SPTLC3: variants seen among roughly 807,000 people sequenced by gnomAD.
The protein encoded by SPTLC3 is serine palmitoyltransferase long chain base subunit 3, also known as serine palmitoyltransferase 3.
A neutral mutation model predicts 59.3 loss-of-function variants in SPTLC3; 36 were observed. The observed-to-expected ratio is 0.61, with a 90% confidence interval of 0.47 to 0.80. The LOEUF is 0.80. Among genes scored for constraint, SPTLC3 ranks in the 30% least tolerant of loss-of-function variants. SPTLC3 has a pLI of 0.00. For synonymous variants in SPTLC3, 257 were observed against 240.8 expected (o/e 1.07, Z -0.62); for missense variants, 625 against 685.1 (o/e 0.91, Z 0.98).
At chr20:13,059,677 C>A (rs559885275) in intron 2 of SPTLC3, among the ~76,000 whole-genome samples, 4 of 152,308 alleles carry the variant, frequency 2.6e-5, no homozygotes, top group African/African-American at 9.6e-5. Context: ...AGCTGTTCTG[C>A]CCCACACATT....
rs894482692 is a variant in SPTLC3 at position 13,074,266 on chromosome 20, C to G, written c.459-83C>G. On this transcript the variant is annotated intron_variant, in intron 3 of 11. Transcript: ENST00000399002. ...CTCATCCTCTTTTTCTTCATAGGAA[C>G]CCAAGTCTTCCACCAGGGATTTTTT... The G allele has an allele frequency of 2.5e-5, 39 of 1,550,644 alleles. No individual in the cohort carries two copies. The Admixed American group carries it at 7.0e-4, about 28-fold the overall frequency.
chr20:13,133,169 C>T (rs1464286637), intron 9 of SPTLC3: 1 of 152,320 alleles, frequency 6.6e-6, no homozygotes, highest in Non-Finnish European at 1.5e-5. Flanking sequence ...CTTTCCCTAT[C>T]ACTATTTGCC....
chr20:13,163,367 CAAAAAAAAA>C (rs56217510), intron 11 of SPTLC3, among the ~76,000 whole-genome samples: 4 of 90,086 alleles, frequency 4.4e-5, no homozygotes, highest in African/African-American at 1.3e-4. Context: ...GACGCTGTCT[CAAAAAAAAA>C]AAAAAAAAAA....
intron 4 of SPTLC3, among the ~76,000 whole-genome samples, chr20:13,089,809 AC>A (rs1989151971): frequency 2.0e-5 from 3 of 151,216 alleles, no homozygotes; most frequent in Non-Finnish European, 4.4e-5. Context: ...AAAAAACAAA[AC>A]AATGTGCTAT....
At chr20:13,067,871 G>A (rs945076358) in intron 2 of SPTLC3, among the ~76,000 whole-genome samples, 11 of 152,272 alleles carry the variant, frequency 7.2e-5, no homozygotes, top group African/African-American at 1.7e-4. Context: ...CAATGTAGAC[G>A]CAAATGAATA....
At chr20:13,122,320 C>T (rs2037885355) in intron 8 of SPTLC3, among the ~76,000 whole-genome samples, 1 of 152,172 alleles carries the variant, frequency 6.6e-6, no homozygotes, top group African/African-American at 2.4e-5. Context: ...GATTTAGTAC[C>T]ATATAGATGA....
At chr20:13,038,063 A>ATATATATATATATATATAATT (rs1568573202) in intron 1 of SPTLC3, among the ~76,000 whole-genome samples, 3 of 130,328 alleles carry the variant, frequency 2.3e-5, no homozygotes, top group African/African-American at 1.0e-4. Context: ...TATATATAAT[A>ATATATATATATATATATAATT]TATCTTCATT....
In SPTLC3 at chr20:13,165,837, T is replaced by C. The variant is rs2123022746; in HGVS notation, c.*970T>C. The C allele has an allele frequency of 6.6e-6, 1 of 152,356 alleles. No individual in the cohort carries two copies. The highest frequency in any genetic ancestry group is 1.5e-5 in the Non-Finnish European group (1 of 68,034). The allele number at this position is 152,356 out of a possible 1,614,324, so 9.4% of individuals were successfully genotyped here. A position where few individuals can be genotyped will look rare whatever the true frequency, so the allele number is the denominator to read the frequency against. ...AGGACATTTAAAAGCAAATTCTGAC[T>C]TTTTCAAGACCAACACACTTGTTTA... On this transcript the variant is annotated 3_prime_UTR_variant, in exon 12 of 12. Coordinates refer to ENST00000399002, the MANE Select transcript of SPTLC3 (RefSeq NM_018327.4).
chr20:13,105,162 G>A (rs566539333), intron 6 of SPTLC3, among the ~76,000 whole-genome samples: 1 of 152,234 alleles, frequency 6.6e-6, no homozygotes, highest in African/African-American at 2.4e-5. Context: ...AGAGGAACAT[G>A]CCAGGGGCTA....
chr20:13,159,163 TG>T (rs2038839681), intron 10 of SPTLC3, among the ~76,000 whole-genome samples: 3 of 152,184 alleles, frequency 2.0e-5, no homozygotes, highest in African/African-American at 7.2e-5. Flanking sequence ...AGATTAGCTC[TG>T]GAAAAGAAAT....
rs1248559360 is a variant in SPTLC3, at chr20:13,166,001, C to T, written c.*1134C>T. 2 of 152,470 alleles carry T rather than the reference C, an allele frequency of 1.3e-5. No homozygotes were observed. The highest frequency in any genetic ancestry group is 2.9e-5 in the Non-Finnish European group (2 of 68,022). The allele number at this position is 152,470 out of a possible 1,614,324, so 9.4% of individuals were successfully genotyped here. Reference sequence around the variant, plus strand: ...TCCTTCTCAACATGAACACAAACCTCTATGGAAAAGTAGCCTCTTGTTAAT... The same window carrying T: ...TCCTTCTCAACATGAACACAAACCTTTATGGAAAAGTAGCCTCTTGTTAAT... On this transcript the variant is annotated 3_prime_UTR_variant, in exon 12 of 12. Transcript: ENST00000399002.
At chr20:13,061,261 TCA>T (rs1201871789) in intron 2 of SPTLC3, among the ~76,000 whole-genome samples, 1 of 152,130 alleles carries the variant, frequency 6.6e-6, no homozygotes, top group Non-Finnish European at 1.5e-5. Flanking sequence ...CTGCATATCA[TCA>T]CAGAGTCAGG....
chr20:13,064,062 C>T (rs556282188), intron 2 of SPTLC3, among the ~76,000 whole-genome samples: 6 of 147,768 alleles, frequency 4.1e-5, no homozygotes, highest in East Asian at 2.0e-4. Flanking sequence ...TGGAGTCTTG[C>T]TCTTTCGCCC....
rs1385881619 is a variant in SPTLC3, at chr20:13,167,318, C to T, written c.*2451C>T. 1 of 145,582 alleles carries T rather than the reference C, an allele frequency of 6.9e-6. No individual in the cohort carries two copies. The highest frequency in any genetic ancestry group is 1.6e-5 in the Non-Finnish European group (1 of 64,314). 9.0% of individuals were successfully genotyped at this position (145,582 alleles called of 1,614,324 possible). A position where few individuals can be genotyped will look rare whatever the true frequency, so the allele number is the denominator to read the frequency against. On this transcript the variant is annotated 3_prime_UTR_variant, in exon 12 of 12. Transcript: ENST00000399002. ...TGAGTCTTGATAATTATATCATCAA[C>T]CATTACCCTCTACATCACCGCCCCG...
intron 1 of SPTLC3, among the ~76,000 whole-genome samples, chr20:13,010,650 C>A (rs527914258): frequency 7.2e-5 from 11 of 152,254 alleles, no homozygotes; most frequent in African/African-American, 2.6e-4. Flanking sequence ...AAGGAAATTG[C>A]AGTAATATCC....
At chr20:13,154,245 C>A in intron 10 of SPTLC3, 107 bp downstream of exon 10, 1 of 1,415,352 alleles carries the variant, frequency 7.1e-7, no homozygotes, top group Non-Finnish European at 9.6e-7. Context: ...TGAGTGAGTT[C>A]AGAATTCACT....
At chr20:13,059,689 A>T (rs1987873092) in intron 2 of SPTLC3, among the ~76,000 whole-genome samples, 1 of 152,118 alleles carries the variant, frequency 6.6e-6, no homozygotes, top group African/African-American at 2.4e-5. Context: ...CCACACATTC[A>T]TCATTACTAG....
intron 2 of SPTLC3, among the ~76,000 whole-genome samples, chr20:13,059,125 A>T (rs1329243390): frequency 6.6e-6 from 1 of 152,200 alleles, no homozygotes; most frequent in Non-Finnish European, 1.5e-5. Context: ...ATAAATCTTT[A>T]ACAAAACATA....
intron 9 of SPTLC3, among the ~76,000 whole-genome samples, chr20:13,148,854 C>T (rs2038578271): frequency 6.6e-6 from 1 of 152,214 alleles, no homozygotes; most frequent in South Asian, 2.1e-4. Flanking sequence ...CTGCAGAGAA[C>T]TATTGCCCAG....
Sources: gnomAD v4.1 joint callset for allele counts (sites outside exome capture counted in the v4.1 genomes callset) on GRCh38, gnomAD v4.1.1 for gene constraint, MANE v1.5 for transcripts, NCBI Gene and HGNC (gene_info 2026-07-23, HGNC 2026-07-21) for gene names.